SH3GL3: variants seen among roughly 807,000 people sequenced by gnomAD.
SH3GL3 encodes endophilin-A3.
Under a neutral mutation model 47.7 loss-of-function variants are expected in SH3GL3, and 33 were observed. That is an observed-to-expected ratio of 0.69 (90% CI 0.52 to 0.92). The LOEUF (loss-of-function observed/expected upper bound fraction) is 0.92. SH3GL3 is among the 40% of genes least tolerant of loss of function. The pLI is 0.00. For synonymous variants in SH3GL3, 155 were observed against 148.8 expected, an observed-to-expected ratio of 1.04 and a Z score of -0.30; for missense variants, 363 against 417.8, an observed-to-expected ratio of 0.87 and a Z score of 1.14.
the SH3GL3 span, among the ~76,000 whole-genome samples, chr15:83,624,424 C>T: frequency 6.6e-6 from 1 of 152,248 alleles, no homozygotes; most frequent in African/African-American, 2.4e-5. Flanking sequence ...CAGGTGAAAG[C>T]GCAAAGAGCA....
At chr15:83,536,324 C>A (rs538692242) in intron 1 of SH3GL3, among the ~76,000 whole-genome samples, 2 of 152,100 alleles carry the variant, frequency 1.3e-5, no homozygotes, top group Admixed American at 6.5e-5. Context: ...GGGGCCAAAC[C>A]TTTTTCTGTT....
intron 1 of SH3GL3, among the ~76,000 whole-genome samples, chr15:83,473,992 G>C (rs1275885411): frequency 6.6e-6 from 1 of 152,010 alleles, no homozygotes; most frequent in Non-Finnish European, 1.5e-5. Flanking sequence ...TCCCAAGCTG[G>C]TGTGCCTTCT....
At chr15:83,587,238 G>A in intron 7 of SH3GL3, 152 bp downstream of exon 7, 1 of 565,182 alleles carries the variant, frequency 1.8e-6, no homozygotes, top group Non-Finnish European at 3.1e-6. Flanking sequence ...TTGGATGTGG[G>A]ATGGGACTGA....
chr15:83,517,004 G>T (rs1372810428), intron 1 of SH3GL3, among the ~76,000 whole-genome samples: 1 of 150,912 alleles, frequency 6.6e-6, no homozygotes, highest in Non-Finnish European at 1.5e-5. Context: ...ATACTTTTTT[G>T]AGCTATTTTC....
intron 2 of SH3GL3, among the ~76,000 whole-genome samples, chr15:83,561,708 A>G (rs1226071916): frequency 1.3e-5 from 2 of 152,320 alleles, no homozygotes; most frequent in East Asian, 1.9e-4. Context: ...AACAAATTAC[A>G]TAAAGAAGAA....
chr15:83,510,388 A>G (rs979180724), intron 1 of SH3GL3, among the ~76,000 whole-genome samples: 12 of 152,186 alleles, frequency 7.9e-5, no homozygotes, highest in Non-Finnish European at 1.6e-4. Flanking sequence ...ATTTCGGGGG[A>G]AAAATTAGCT....
chr15:83,511,866 G>C (rs80200163), intron 1 of SH3GL3, among the ~76,000 whole-genome samples: 1 of 152,110 alleles, frequency 6.6e-6, no homozygotes, highest in African/African-American at 2.4e-5. Flanking sequence ...ACAGGGCTAG[G>C]ATGGTATCAG....
chr15:83,538,798 T>G (rs1602537), intron 1 of SH3GL3, among the ~76,000 whole-genome samples: 117,644 of 151,968 alleles, frequency 0.77, 45,644 homozygotes, highest in East Asian at 0.82. Context: ...TCTAGTTTTT[T>G]GTTATTATGA....
intron 1 of SH3GL3, among the ~76,000 whole-genome samples, chr15:83,457,447 T>C (rs2040050688): frequency 6.6e-6 from 1 of 152,242 alleles, no homozygotes; most frequent in Admixed American, 6.5e-5. Flanking sequence ...CCCCTTTCTC[T>C]TTTAATGCAT....
At chr15:83,511,673 C>T (rs961261388) in intron 1 of SH3GL3, among the ~76,000 whole-genome samples, 1 of 152,160 alleles carries the variant, frequency 6.6e-6, no homozygotes, top group African/African-American at 2.4e-5. Flanking sequence ...CTCTTGGGCT[C>T]TACAGCATCT....
chr15:83,597,013 GT>G (rs2060252548), intron 8 of SH3GL3, among the ~76,000 whole-genome samples: 1 of 152,038 alleles, frequency 6.6e-6, no homozygotes, highest in South Asian at 2.1e-4. Context: ...TACTCCAATT[GT>G]ATTAGTTCTC....
intron 1 of SH3GL3, among the ~76,000 whole-genome samples, chr15:83,558,163 T>C (rs1311572774): frequency 3.3e-5 from 5 of 152,136 alleles, no homozygotes; most frequent in African/African-American, 1.2e-4. Flanking sequence ...CTAAAGAAAA[T>C]GATTGAACTT....
chr15:83,595,509 A>T (rs2060214536), intron 8 of SH3GL3, among the ~76,000 whole-genome samples: 1 of 110,914 alleles, frequency 9.0e-6, no homozygotes, highest in Middle Eastern at 4.5e-3. Flanking sequence ...CTAAAAGTTA[A>T]AAAAAAAAAA....
intron 1 of SH3GL3, among the ~76,000 whole-genome samples, chr15:83,550,943 G>A (rs960367297): frequency 2.0e-5 from 3 of 152,066 alleles, no homozygotes; most frequent in African/African-American, 7.2e-5. Context: ...TTTCTCTTAG[G>A]TTCCGGCTTT....
chr15:83,538,108 T>G (rs955399415), intron 1 of SH3GL3, among the ~76,000 whole-genome samples: 2 of 152,196 alleles, frequency 1.3e-5, no homozygotes, highest in Non-Finnish European at 2.9e-5. Flanking sequence ...CACAATGTAA[T>G]AGCCCCTGGG....
rs1460964147 is a variant in SH3GL3, at chr15:83,447,629, C to T, written c.45+51C>T. On this transcript the variant is annotated intron_variant, in intron 1 of 8. Transcript: ENST00000427482. The surrounding 1 kb of genome is among the most constrained non-coding windows in gnomAD (Gnocchi z 5.1). ...AGGGAGGGGGACGCGGAGGCTGCGG[C>T]CCCCCGAGGCTCCCGGGCCTTTGGG... The T allele has an allele frequency of 3.9e-5, 52 of 1,329,058 alleles. No individual in the cohort carries two copies. Among genetic ancestry groups the T allele is most frequent in the Non-Finnish European group, 5.0e-5 (49 of 984,962 alleles). 82.3% of individuals were successfully genotyped at this position (1,329,058 alleles called of 1,614,324 possible).
At chr15:83,449,787 T>C (rs1455353788) in intron 1 of SH3GL3, among the ~76,000 whole-genome samples, 1 of 151,708 alleles carries the variant, frequency 6.6e-6, no homozygotes, top group Non-Finnish European at 1.5e-5. Context: ...TCACAGATTC[T>C]CTCTGGGCTT....
chr15:83,629,976 G>T, the SH3GL3 span, among the ~76,000 whole-genome samples: 1 of 152,204 alleles, frequency 6.6e-6, no homozygotes, highest in Non-Finnish European at 1.5e-5. Flanking sequence ...TGTCATGGGA[G>T]GGACCCAGTG....
intron 8 of SH3GL3, among the ~76,000 whole-genome samples, chr15:83,595,176 A>G (rs2060207270): frequency 6.6e-6 from 1 of 152,212 alleles, no homozygotes; most frequent in Admixed American, 6.5e-5. Context: ...CGGCCATAAA[A>G]AAGAATGAGA....
Sources: allele counts gnomAD v4.1 joint callset (sites outside exome capture counted in the v4.1 genomes callset), GRCh38; gene constraint gnomAD v4.1.1; non-coding constraint Gnocchi (gnomAD v3.1); transcripts MANE v1.5; gene names NCBI Gene and HGNC (gene_info 2026-07-23, HGNC 2026-07-21).